ZCCHC17: variants seen among roughly 807,000 people sequenced by gnomAD.
The protein encoded by ZCCHC17 is zinc finger CCHC domain-containing protein 17.
Under a neutral mutation model 30.6 loss-of-function variants are expected in ZCCHC17, and 18 were observed. That is an observed-to-expected ratio of 0.59 (90% CI 0.41 to 0.87). The LOEUF is 0.87. ZCCHC17 is among the 40% of genes least tolerant of loss of function. The pLI is 0.00. For missense variants in ZCCHC17, 263 were observed against 284.2 expected, an observed-to-expected ratio of 0.93 and a Z score of 0.54; for synonymous variants, 88 against 92.4, an observed-to-expected ratio of 0.95 and a Z score of 0.27.
At chr1:31,331,230 T>A (rs1345700434) in intron 3 of ZCCHC17, among the ~76,000 whole-genome samples, 1 of 151,966 alleles carries the variant, frequency 6.6e-6, no homozygotes, top group East Asian at 1.9e-4. Context: ...GCAACCTCCA[T>A]CTCCGGTTCA....
At chr1:31,329,899 G>A (rs775452496) in intron 3 of ZCCHC17, among the ~76,000 whole-genome samples, 36 of 152,120 alleles carry the variant, frequency 2.4e-4, no homozygotes, top group Non-Finnish European at 1.8e-4. Flanking sequence ...TTTCATTAAC[G>A]CTTGGATATA....
chr1:31,358,037 AG>A (rs1639716203), intron 7 of ZCCHC17, among the ~76,000 whole-genome samples: 1 of 152,240 alleles, frequency 6.6e-6, no homozygotes, highest in South Asian at 2.1e-4. Flanking sequence ...TACAGGCGTG[AG>A]CCACCGCGCC....
At chr1:31,297,689 C>T (rs191417021) in intron 1 of ZCCHC17, among the ~76,000 whole-genome samples, 1 of 152,294 alleles carries the variant, frequency 6.6e-6, no homozygotes, top group Admixed American at 6.5e-5. Context: ...GGAAATGCCT[C>T]CTACTGCTGC....
chr1:31,330,033 T>C (rs999793263), intron 3 of ZCCHC17, among the ~76,000 whole-genome samples: 5 of 152,196 alleles, frequency 3.3e-5, no homozygotes, highest in African/African-American at 9.6e-5. Context: ...ATACCATTGA[T>C]TGGGAGATGA....
At chr1:31,307,677 C>CA (rs1646498450) in intron 1 of ZCCHC17, among the ~76,000 whole-genome samples, 1 of 151,892 alleles carries the variant, frequency 6.6e-6, no homozygotes, top group Non-Finnish European at 1.5e-5. Flanking sequence ...TGGGTTCAAG[C>CA]AATTCCCCTG....
At chr1:31,319,636 T>C (rs896433611) in intron 3 of ZCCHC17, among the ~76,000 whole-genome samples, 2 of 152,184 alleles carry the variant, frequency 1.3e-5, no homozygotes, top group African/African-American at 2.4e-5. Flanking sequence ...AATCCTGTTA[T>C]AAATCTATAA....
chr1:31,299,444 T>G (rs184515222), intron 1 of ZCCHC17, among the ~76,000 whole-genome samples: 68 of 152,338 alleles, frequency 4.5e-4, no homozygotes, highest in Non-Finnish European at 7.1e-4. Flanking sequence ...TAATATGTCT[T>G]CTCTTCCTGA....
chr1:31,337,425 AC>A, intron 4 of ZCCHC17, 150 bp downstream of exon 4: 1 of 685,072 alleles, frequency 1.5e-6, no homozygotes, highest in Non-Finnish European at 2.5e-6. Flanking sequence ...CTGAATTCAA[AC>A]CTTCTGGTAG....
At chr1:31,361,786 ATTATTTATTTAT>A (rs3049344) in intron 7 of ZCCHC17, among the ~76,000 whole-genome samples, 83 of 145,908 alleles carry the variant, frequency 5.7e-4, no homozygotes, top group Middle Eastern at 3.5e-3. Context: ...AGAGGGGGAG[ATTATTTATTTAT>A]TTATTTATTT....
chr1:31,329,047 G>C (rs1249072001), intron 3 of ZCCHC17, among the ~76,000 whole-genome samples: 1 of 152,078 alleles, frequency 6.6e-6, no homozygotes, highest in Non-Finnish European at 1.5e-5. Flanking sequence ...GGTCTTTCTG[G>C]TGACTAGTCC....
intron 2 of ZCCHC17, chr1:31,318,164 T>C: frequency 2.0e-6 from 3 of 1,533,756 alleles, no homozygotes; most frequent in Non-Finnish European, 2.6e-6. Context: ...CCCCTTGTTT[T>C]AGTTATGGTG....
intron 5 of ZCCHC17, among the ~76,000 whole-genome samples, chr1:31,340,365 C>T (rs1217490717): frequency 1.4e-5 from 2 of 139,534 alleles, no homozygotes; most frequent in South Asian, 2.3e-4. Flanking sequence ...TTGCCCAGGC[C>T]GGAGTGCAAT....
At chr1:31,328,826 C>G (rs890451292) in intron 3 of ZCCHC17, among the ~76,000 whole-genome samples, 1 of 152,108 alleles carries the variant, frequency 6.6e-6, no homozygotes, top group African/African-American at 2.4e-5. Flanking sequence ...GCTCCCAACC[C>G]TCCTCTTTCT....
At chr1:31,337,342 A>G (rs1288331369) in intron 4 of ZCCHC17, 67 bp downstream of exon 4, 1 of 1,386,108 alleles carries the variant, frequency 7.2e-7, no homozygotes, top group African/African-American at 1.4e-5. Flanking sequence ...TTGATATTTT[A>G]TGATAGTGAG....
chr1:31,344,728 GGGGGTT>G, intron 5 of ZCCHC17, among the ~76,000 whole-genome samples: 1 of 152,188 alleles, frequency 6.6e-6, no homozygotes, highest in Non-Finnish European at 1.5e-5. Flanking sequence ...TGATTGTCAT[GGGGGTT>G]GCTTAAGCTG....
chr1:31,304,414 G>A (rs1174787048), intron 1 of ZCCHC17, among the ~76,000 whole-genome samples: 1 of 151,912 alleles, frequency 6.6e-6, no homozygotes, highest in African/African-American at 2.4e-5. Context: ...CTCCCGAGTA[G>A]CTGGGATTAC....
At chr1:31,353,110 C>T (rs1357731936) in intron 7 of ZCCHC17, among the ~76,000 whole-genome samples, 2 of 152,140 alleles carry the variant, frequency 1.3e-5, no homozygotes, top group East Asian at 3.9e-4. Context: ...ATTTGCATTT[C>T]CCTAATGATT....
chr1:31,317,070 G>C (rs1318930404), intron 2 of ZCCHC17, among the ~76,000 whole-genome samples: 1 of 142,116 alleles, frequency 7.0e-6, no homozygotes, highest in Non-Finnish European at 1.5e-5. Flanking sequence ...TTGTTGCCCA[G>C]GCTGGAGTAC....
At chr1:31,318,221 A>G in intron 2 of ZCCHC17, 1 of 1,534,924 alleles carries the variant, frequency 6.5e-7, no homozygotes, top group Non-Finnish European at 8.7e-7. Context: ...AAGACACTGA[A>G]AAGAATAAAG....
Sources: allele counts gnomAD v4.1 joint callset (sites outside exome capture counted in the v4.1 genomes callset), GRCh38; gene constraint gnomAD v4.1.1; transcripts MANE v1.5; gene names NCBI Gene and HGNC (gene_info 2026-07-23, HGNC 2026-07-21).